The following SEMA6A variants were observed in gnomAD, a reference collection of about 807,000 sequenced individuals.
The protein encoded by SEMA6A is semaphorin-6A.
Under a neutral mutation model 96.8 loss-of-function variants are expected in SEMA6A, and 25 were observed. That is an observed-to-expected ratio of 0.26 (90% CI 0.19 to 0.36). The LOEUF (loss-of-function observed/expected upper bound fraction) is 0.36, where lower values mean the gene tolerates loss of function less well. Among genes scored for constraint, SEMA6A ranks in the 10% least tolerant of loss-of-function variants. The pLI, the probability that SEMA6A is intolerant of heterozygous loss-of-function variation, is 1.00. For missense variants in SEMA6A, 1,363 were observed against 1,323.1 expected (o/e 1.03, Z -0.47); for synonymous variants, 612 against 518.0 (o/e 1.18, Z -2.46).
chr5:116,545,180 T>C (rs1467950371), intron 1 of SEMA6A, among the ~76,000 whole-genome samples: 2 of 152,200 alleles, frequency 1.3e-5, no homozygotes, highest in Non-Finnish European at 2.9e-5. Flanking sequence ...CTGCTCTCTT[T>C]GAAATAGCCA....
intron 18 of SEMA6A, among the ~76,000 whole-genome samples, chr5:116,453,207 T>G (rs1443853002): frequency 6.6e-6 from 1 of 152,168 alleles, no homozygotes; most frequent in Non-Finnish European, 1.5e-5. Flanking sequence ...ATACTCAAGC[T>G]TGCTTCATGG....
At chr5:116,467,984 A>G (rs1755879613) in intron 17 of SEMA6A, 9 of 500,500 alleles carry the variant, frequency 1.8e-5, no homozygotes, top group Non-Finnish European at 2.9e-5. Context: ...CCTATCTCTC[A>G]TACTTGCTGG....
At chr5:116,506,545 A>G (rs1758154016) in intron 1 of SEMA6A, among the ~76,000 whole-genome samples, 1 of 152,220 alleles carries the variant, frequency 6.6e-6, no homozygotes, top group Admixed American at 6.5e-5. Flanking sequence ...CTCAAAGGAA[A>G]GAAGCTCTGA....
chr5:116,531,933 A>G lies in SEMA6A; in HGVS notation c.-38-26951T>C, dbSNP rs1759494371. Among the ~76,000 whole-genome samples, 2 of 152,138 alleles carry G rather than the reference A, an allele frequency of 1.3e-5. 1 individual carries two copies. On this transcript the variant is annotated intron_variant, in intron 1 of 18. Transcript: ENST00000343348. ...TACCCCTGCTCTCTTTAAAAGAGCC[A>G]ACTGGAATTAGCTGAGACTGTGCAG...
At chr5:116,468,480 T>A (rs1406136284) in intron 17 of SEMA6A, 1 of 152,188 alleles carries the variant, frequency 6.6e-6, no homozygotes, top group Non-Finnish European at 1.5e-5. Context: ...TGAGGCTGCG[T>A]TGACTAAAAT....
intron 1 of SEMA6A, among the ~76,000 whole-genome samples, chr5:116,507,324 C>A (rs909380587): frequency 1.3e-5 from 2 of 152,164 alleles, no homozygotes; most frequent in Non-Finnish European, 1.5e-5. Flanking sequence ...TCCCTTTCTA[C>A]TCAATTTTGG....
chr5:116,444,893 CGCA>C lies in SEMA6A; in HGVS notation c.*1717_*1719del, dbSNP rs1413622645. Reference sequence around the variant, plus strand: ...CACCGCCTGCTCTCTAGCCAGTGGACGCAGCAGAAAAGAGGAATGGGACGTTAG... The same window carrying C: ...CACCGCCTGCTCTCTAGCCAGTGGACGCAGAAAAGAGGAATGGGACGTTAG... On this transcript the variant is annotated 3_prime_UTR_variant, in exon 19 of 19. Transcript: ENST00000343348. The C allele has an allele frequency of 6.6e-6, 1 of 152,606 alleles. No individual in the cohort carries two copies. Among genetic ancestry groups the C allele is most frequent in the African/African-American group, 2.4e-5 (1 of 41,448 alleles). 9.5% of individuals were successfully genotyped at this position (152,606 alleles called of 1,614,324 possible).
At chr5:116,493,981 T>A (rs1757457103) in intron 6 of SEMA6A, among the ~76,000 whole-genome samples, 1 of 152,104 alleles carries the variant, frequency 6.6e-6, no homozygotes, top group African/African-American at 2.4e-5. Context: ...TCACAACTCT[T>A]CCTTTATTTC....
intron 15 of SEMA6A, 72 bp downstream of exon 15, chr5:116,477,774 A>G: frequency 1.4e-6 from 2 of 1,462,664 alleles, no homozygotes; most frequent in Non-Finnish European, 1.9e-6. Flanking sequence ...GTGTGAGCAG[A>G]GCAAATCTTA....
intron 1 of SEMA6A, among the ~76,000 whole-genome samples, chr5:116,556,349 A>G (rs886653084): frequency 1.8e-4 from 28 of 152,208 alleles, no homozygotes; most frequent in Non-Finnish European, 1.3e-4. Context: ...TCTCCTCATC[A>G]TCTTTTTAGT....
At chr5:116,501,872 G>A (rs1359392336) in intron 3 of SEMA6A, among the ~76,000 whole-genome samples, 1 of 152,174 alleles carries the variant, frequency 6.6e-6, no homozygotes, top group Non-Finnish European at 1.5e-5. Context: ...GGGCAACAAA[G>A]AACGAAAACT....
chr5:116,562,916 C>T (rs1366931090), intron 1 of SEMA6A: 15 of 592,802 alleles, frequency 2.5e-5, no homozygotes, highest in Admixed American at 4.1e-5. Context: ...CGAGCCCTTG[C>T]CCCCTCGGGT....
intron 15 of SEMA6A, 107 bp from the exon 16 acceptor site, chr5:116,475,710 G>C (rs980544118): frequency 2.8e-5 from 20 of 713,070 alleles, no homozygotes; most frequent in Non-Finnish European, 4.4e-5. Flanking sequence ...GATAAATTGA[G>C]TGGCAGGTGC....
intron 1 of SEMA6A, among the ~76,000 whole-genome samples, chr5:116,535,368 A>G (rs1053233667): frequency 3.3e-5 from 5 of 152,366 alleles, no homozygotes; most frequent in African/African-American, 1.2e-4. Flanking sequence ...GGAAGAGGAC[A>G]GAAAGGATTT....
At chr5:116,546,703 T>C (rs2112875093) in intron 1 of SEMA6A, among the ~76,000 whole-genome samples, 1 of 152,284 alleles carries the variant, frequency 6.6e-6, no homozygotes, top group South Asian at 2.1e-4. Flanking sequence ...ATCAGACCAC[T>C]GCCTGGAAAG....
At chr5:116,533,494 T>C (rs1204933977) in intron 1 of SEMA6A, among the ~76,000 whole-genome samples, 1 of 152,214 alleles carries the variant, frequency 6.6e-6, no homozygotes, top group Non-Finnish European at 1.5e-5. Context: ...CTGGTTAAAC[T>C]AAAAGTTATT....
intron 18 of SEMA6A, among the ~76,000 whole-genome samples, chr5:116,459,713 G>C (rs368627095): frequency 6.6e-6 from 1 of 152,000 alleles, no homozygotes. Context: ...CCACCCCTTA[G>C]ACTCCCTTAG....
At chr5:116,566,136 G>A (rs1270454108) in intron 1 of SEMA6A, among the ~76,000 whole-genome samples, 1 of 152,026 alleles carries the variant, frequency 6.6e-6, no homozygotes, top group Non-Finnish European at 1.5e-5. Context: ...TGTTTTCATT[G>A]TATTTAATGC....
At chr5:116,469,765 G>A (rs1273374939) in intron 17 of SEMA6A, among the ~76,000 whole-genome samples, 1 of 152,178 alleles carries the variant, frequency 6.6e-6, no homozygotes, top group Non-Finnish European at 1.5e-5. Flanking sequence ...CACATTCTCT[G>A]TAGAAAGATT....
Sources: gnomAD v4.1 joint callset for allele counts (sites outside exome capture counted in the v4.1 genomes callset) on GRCh38, gnomAD v4.1.1 for gene constraint, MANE v1.5 for transcripts, NCBI Gene and HGNC (gene_info 2026-07-23, HGNC 2026-07-21) for gene names.